ARSG: variants seen among roughly 807,000 people sequenced by gnomAD.
The protein encoded by ARSG is arylsulfatase G.
In ARSG, 37 loss-of-function variants were observed where a neutral mutation model predicts 50.5. The ratio of observed to expected loss-of-function variants is 0.73; its 90% CI spans 0.56 to 0.96. ARSG has a LOEUF of 0.96. ARSG is among the 50% of genes least tolerant of loss of function. The pLI, the probability that ARSG is intolerant of heterozygous loss-of-function variation, is 0.00. For synonymous variants in ARSG, 225 were observed against 254.6 expected, an observed-to-expected ratio of 0.88 and a Z score of 1.11; for missense variants, 629 against 675.3, an observed-to-expected ratio of 0.93 and a Z score of 0.76.
chr17:68,404,550 A>G (rs909860629), intron 11 of ARSG, among the ~76,000 whole-genome samples: 2 of 152,194 alleles, frequency 1.3e-5, no homozygotes, highest in Non-Finnish European at 2.9e-5. Flanking sequence ...GTAATGATGT[A>G]TCATACTTTT....
At chr17:68,407,496 G>A (rs1269847813) in intron 11 of ARSG, among the ~76,000 whole-genome samples, 1 of 152,042 alleles carries the variant, frequency 6.6e-6, no homozygotes, top group Admixed American at 6.6e-5. Context: ...ATGAGCATGA[G>A]ATGTGTTTCC....
intron 11 of ARSG, among the ~76,000 whole-genome samples, chr17:68,418,643 T>C (rs747480722): frequency 1.3e-4 from 20 of 152,168 alleles, no homozygotes; most frequent in Non-Finnish European, 2.4e-4. Flanking sequence ...TTGTATTGAG[T>C]TGCATGTTGG....
At chr17:68,305,435 G>A (rs1205951825) in intron 1 of ARSG, among the ~76,000 whole-genome samples, 1 of 152,164 alleles carries the variant, frequency 6.6e-6, no homozygotes, top group Non-Finnish European at 1.5e-5. Context: ...GCCTCACATG[G>A]GCTTGTTAGA....
intron 2 of ARSG, among the ~76,000 whole-genome samples, chr17:68,309,128 A>G (rs140041159): frequency 3.7e-4 from 56 of 152,278 alleles, no homozygotes; most frequent in African/African-American, 1.2e-3. Context: ...GGGACCTAGT[A>G]CACCCTCCGC....
chr17:68,263,312 C>T (rs1329231231), intron 1 of ARSG, among the ~76,000 whole-genome samples: 1 of 152,174 alleles, frequency 6.6e-6, no homozygotes, highest in East Asian at 1.9e-4. Context: ...CTGTACGCTA[C>T]GATCGCCCTC....
intron 9 of ARSG, among the ~76,000 whole-genome samples, chr17:68,385,531 G>A (rs2080671198): frequency 1.4e-5 from 2 of 140,038 alleles, no homozygotes; most frequent in Non-Finnish European, 1.6e-5. Flanking sequence ...GGGAGGGGAG[G>A]GGAGGGAAGG....
At chr17:68,292,212 G>T (rs1172618844) in intron 1 of ARSG, among the ~76,000 whole-genome samples, 1 of 151,892 alleles carries the variant, frequency 6.6e-6, no homozygotes, top group African/African-American at 2.4e-5. Context: ...GGCTGAGTCA[G>T]CATCCCCGGC....
intron 2 of ARSG, among the ~76,000 whole-genome samples, chr17:68,334,603 TAGTAC>T (rs1302975054): frequency 1.3e-5 from 2 of 152,164 alleles, no homozygotes; most frequent in Admixed American, 1.3e-4. Context: ...GGCAATTCTT[TAGTAC>T]TGGGCGTTGA....
chr17:68,408,838 C>T (rs1286157765), intron 11 of ARSG, among the ~76,000 whole-genome samples: 1 of 151,964 alleles, frequency 6.6e-6, no homozygotes, highest in African/African-American at 2.4e-5. Flanking sequence ...GAGATGGTAT[C>T]TCACTGTGGT....
At chr17:68,405,579 A>G (rs2147278647) in intron 11 of ARSG, among the ~76,000 whole-genome samples, 1 of 152,200 alleles carries the variant, frequency 6.6e-6, no homozygotes, top group African/African-American at 2.4e-5. Context: ...TTTTATGTGG[A>G]ATATTTAGGT....
intron 1 of ARSG, among the ~76,000 whole-genome samples, chr17:68,261,453 C>T (rs1216925263): frequency 6.6e-6 from 1 of 152,118 alleles, no homozygotes; most frequent in Admixed American, 6.5e-5. Flanking sequence ...GATCTTGGCT[C>T]ACTATATCTT....
chr17:68,366,875 A>G (rs776695787), intron 6 of ARSG, among the ~76,000 whole-genome samples: 5 of 152,196 alleles, frequency 3.3e-5, no homozygotes, highest in Non-Finnish European at 5.9e-5. Flanking sequence ...AACTGTACCC[A>G]TGAAACATAA....
chr17:68,424,413 G>A (rs757919596), downstream of ARSG: 9 of 533,680 alleles, frequency 1.7e-5, no homozygotes, highest in East Asian at 1.1e-4. Context: ...ACGGATCTGC[G>A]GGAGAAAGAA....
At chr17:68,379,990 G>A (rs778532447) in intron 8 of ARSG, 39 of 463,916 alleles carry the variant, frequency 8.4e-5, no homozygotes, top group Non-Finnish European at 9.9e-5. Flanking sequence ...GAACTGCATG[G>A]GTCCACGTAA....
At chr17:68,415,881 C>T (rs1218574693) in intron 11 of ARSG, among the ~76,000 whole-genome samples, 1 of 152,034 alleles carries the variant, frequency 6.6e-6, no homozygotes, top group African/African-American at 2.4e-5. Context: ...CTTTTTCTAC[C>T]CCTTTACTTT....
chr17:68,313,075 C>T (rs143005837), intron 2 of ARSG, among the ~76,000 whole-genome samples: 74 of 152,066 alleles, frequency 4.9e-4, no homozygotes, highest in African/African-American at 1.5e-3. Context: ...TCCTGGCTAA[C>T]GTGGTGAAAC....
At chr17:68,314,430 G>T (rs1183994575) in intron 2 of ARSG, among the ~76,000 whole-genome samples, 2 of 151,904 alleles carry the variant, frequency 1.3e-5, no homozygotes, top group African/African-American at 4.8e-5. Context: ...GGAGGCTGAG[G>T]CGGGAGAATC....
At chr17:68,425,871 G>A, downstream of ARSG, 1 of 549,696 alleles carries the variant, frequency 1.8e-6, no homozygotes. Context: ...TGCCATCAGG[G>A]TTTAGCTCGA....
chr17:68,342,158 C>G (rs2078297480), intron 2 of ARSG, among the ~76,000 whole-genome samples: 1 of 152,118 alleles, frequency 6.6e-6, no homozygotes, highest in East Asian at 1.9e-4. Context: ...TATGTTCTAT[C>G]AAGCCACCGT....
Sources: allele counts gnomAD v4.1 joint callset (sites outside exome capture counted in the v4.1 genomes callset), GRCh38; gene constraint gnomAD v4.1.1; transcripts MANE v1.5; gene names NCBI Gene and HGNC (gene_info 2026-07-23, HGNC 2026-07-21).